The following ZYG11B variants were observed in gnomAD, a reference collection of about 807,000 sequenced individuals.
ZYG11B encodes zyg-11 family member B, cell cycle regulator.
ZYG11B carries 36 observed loss-of-function variants against 82.4 expected under a neutral mutation model. The ratio of observed to expected loss-of-function variants is 0.44; its 90% CI spans 0.33 to 0.58. The LOEUF (loss-of-function observed/expected upper bound fraction) is 0.58, where lower values mean the gene tolerates loss of function less well. ZYG11B is among the 20% of genes least tolerant of loss of function. The probability of loss-of-function intolerance (pLI) is 0.02; values close to 1 mark genes in which losing one functional copy is unlikely to be tolerated. For missense variants in ZYG11B, 552 were observed against 895.6 expected, an observed-to-expected ratio of 0.62 and a Z score of 4.90; for synonymous variants, 303 against 312.8, an observed-to-expected ratio of 0.97 and a Z score of 0.33.
intron 1 of ZYG11B, among the ~76,000 whole-genome samples, chr1:52,728,824 A>C (rs1644305372): frequency 6.6e-6 from 1 of 152,044 alleles, no homozygotes. Flanking sequence ...CCTCATTGTG[A>C]ATGTGAGTAG....
Position 52,803,099 on chromosome 1 carries a change from CAT to C in ZYG11B, c.1695+978_1695+979del, listed in dbSNP as rs1165271089. ...ATATATATATACACATATATATATA[CAT>C]ATATATATATATATATACACACATA... On this transcript the variant is annotated intron_variant, in intron 10 of 13. Coordinates refer to ENST00000294353, the MANE Select transcript of ZYG11B (RefSeq NM_024646.3). 5.1e-3 allele frequency among the ~76,000 whole-genome samples: 55 copies of C among 10,792 alleles called. 6 individuals carry two copies. The highest frequency in any genetic ancestry group is 0.015 in the African/African-American group (48 of 3,284). 7.1% of individuals were successfully genotyped at this position (10,792 alleles called of 152,430 possible).
chr1:52,726,702 C>A lies in ZYG11B; in HGVS notation c.30+19C>A. On this transcript the variant is annotated intron_variant, in intron 1 of 13. Coordinates refer to ENST00000294353, the MANE Select transcript of ZYG11B (RefSeq NM_024646.3). ...AGCCATGGTGAGGGAGCAAGGCCTG[C>A]CCTAGCCGCAGCCGCCCGCCACCCT... The A allele has an allele frequency of 6.8e-7, 1 of 1,471,058 alleles. No homozygotes were observed. The highest frequency in any genetic ancestry group is 1.3e-5 in the South Asian group (1 of 77,562). 91.1% of individuals were successfully genotyped at this position (1,471,058 alleles called of 1,614,324 possible). A position where few individuals can be genotyped will look rare whatever the true frequency, so the allele number is the denominator to read the frequency against.
chr1:52,732,867 C>T (rs996546565), intron 1 of ZYG11B, among the ~76,000 whole-genome samples: 3 of 150,918 alleles, frequency 2.0e-5, no homozygotes, highest in African/African-American at 7.3e-5. Context: ...CCAGCTACTC[C>T]GGAGGCTGAG....
chr1:52,774,164 G>A (rs1644783456), intron 3 of ZYG11B, among the ~76,000 whole-genome samples: 1 of 151,480 alleles, frequency 6.6e-6, no homozygotes, highest in African/African-American at 2.4e-5. Flanking sequence ...CTCAGAGGCA[G>A]GGTCTTGCCC....
At chr1:52,816,678 C>T (rs548829130) in intron 13 of ZYG11B, 49 bp downstream of exon 13, 62 of 1,348,682 alleles carry the variant, frequency 4.6e-5, no homozygotes, top group South Asian at 1.0e-4. Flanking sequence ...AAGTGAAATT[C>T]TCATTTCCCA....
chr1:52,793,835 C>T (rs891011871), intron 6 of ZYG11B, among the ~76,000 whole-genome samples: 1 of 150,428 alleles, frequency 6.6e-6, no homozygotes, highest in Non-Finnish European at 1.5e-5. Context: ...CCTAAGTCCT[C>T]GGACAGGTTT....
At chr1:52,765,256 G>A (rs1264172908) in intron 2 of ZYG11B, among the ~76,000 whole-genome samples, 1 of 151,908 alleles carries the variant, frequency 6.6e-6, no homozygotes, top group African/African-American at 2.4e-5. Flanking sequence ...AGGCTGGAGT[G>A]TAGTGGCATG....
intron 1 of ZYG11B, among the ~76,000 whole-genome samples, chr1:52,746,953 A>G (rs1218128333): frequency 6.7e-6 from 1 of 149,680 alleles, no homozygotes; most frequent in Non-Finnish European, 1.5e-5. Flanking sequence ...CCTTATGGGT[A>G]AGACAAAGGG....
At chr1:52,818,867 C>T (rs1432589760) in intron 13 of ZYG11B, among the ~76,000 whole-genome samples, 3 of 150,518 alleles carry the variant, frequency 2.0e-5, no homozygotes, top group Non-Finnish European at 4.4e-5. Flanking sequence ...GATCTCAGCT[C>T]ACCACAACCT....
Position 52,796,351 on chromosome 1 carries a change from A to G in ZYG11B, c.1394A>G (p.Gln465Arg). ...TGCAACCATGAGGATCAAAACATGC[A>G]AAGGATGGCAGTTGCTATCATTTCT... Reference protein sequence around the residue: ...WLCNHEDQNMQRMAVAIISIL... With the variant: ...WLCNHEDQNMRRMAVAIISIL... Residue 465 changes from glutamine to arginine, a missense_variant, in exon 7 of 14, where the codon CAA (glutamine) becomes CGA (arginine). Gln to Arg is a conservative substitution (Grantham distance 43). Around this residue, in one of 3 missense-constraint regions of ZYG11B, gnomAD observed 66 missense variants for 176.4 expected, o/e 0.37. Transcript: ENST00000294353. The G allele has an allele frequency of 2.5e-6, 4 of 1,614,016 alleles. No homozygotes were observed. Among genetic ancestry groups the G allele is most frequent in the Non-Finnish European group, 3.4e-6 (4 of 1,179,940 alleles).
intron 10 of ZYG11B, chr1:52,805,091 CAAAAAAAA>C: frequency 4.6e-5 from 5 of 108,882 alleles, no homozygotes; most frequent in East Asian, 2.5e-4. Context: ...AACTCTGTCT[CAAAAAAAA>C]AAAAAAAAAA....
rs1034606870 is a variant in ZYG11B, at chr1:52,827,268, G to A, written c.*5639G>A. The A allele has an allele frequency of 6.6e-6, 1 of 152,118 alleles. No homozygotes were observed. 9.4% of individuals were successfully genotyped at this position (152,118 alleles called of 1,614,324 possible). A position where few individuals can be genotyped will look rare whatever the true frequency, so the allele number is the denominator to read the frequency against. ...TATTTTAAATCAGGACATCACTTAA[G>A]TATTAATGTTGTGTGTACAGATTTT... On this transcript the variant is annotated 3_prime_UTR_variant, in exon 14 of 14. Transcript: ENST00000294353.
chr1:52,726,563 C>A lies in ZYG11B; in HGVS notation c.-91C>A, dbSNP rs2149914294. 1 of 1,275,992 alleles carries A rather than the reference C, an allele frequency of 7.8e-7. No individual in the cohort carries two copies. The highest frequency in any genetic ancestry group is 1.0e-6 in the Non-Finnish European group (1 of 998,860). 79.0% of individuals were successfully genotyped at this position (1,275,992 alleles called of 1,614,324 possible). A position where few individuals can be genotyped will look rare whatever the true frequency, so the allele number is the denominator to read the frequency against. Reference sequence around the variant, plus strand: ...AGGCCTGGGCCAAGCCCGGAGCCGCCGCTCGCCGGAGCCTCCTGGAGCCTC... The same window carrying A: ...AGGCCTGGGCCAAGCCCGGAGCCGCAGCTCGCCGGAGCCTCCTGGAGCCTC... On this transcript the variant is annotated 5_prime_UTR_variant, in exon 1 of 14. Coordinates refer to ENST00000294353, the MANE Select transcript of ZYG11B (RefSeq NM_024646.3).
chr1:52,816,651 CTG>C, intron 13 of ZYG11B, 22 bp downstream of exon 13: 3 of 1,536,538 alleles, frequency 2.0e-6, no homozygotes, highest in East Asian at 4.5e-5. Context: ...AAAAAAAGAA[CTG>C]TGTTTTTTTT....
chr1:52,759,144 T>G (rs921658658), intron 2 of ZYG11B, among the ~76,000 whole-genome samples: 14 of 151,946 alleles, frequency 9.2e-5, no homozygotes, highest in African/African-American at 3.4e-4. Flanking sequence ...GTTGGCCAGG[T>G]TGATCTTGAA....
At chr1:52,817,874 G>T (rs1380737617) in intron 13 of ZYG11B, among the ~76,000 whole-genome samples, 2 of 94,622 alleles carry the variant, frequency 2.1e-5, no homozygotes, top group Non-Finnish European at 4.0e-5. Flanking sequence ...GTCTCACTTT[G>T]TCACCCAGGC....
Position 52,783,828 on chromosome 1 carries a change from A to ACACG in ZYG11B, c.1093-1049_1093-1048insCACG, listed in dbSNP as rs1210996802. 6.1e-5 allele frequency among the ~76,000 whole-genome samples: 9 copies of ACACG among 147,474 alleles called. 1 individual carries two copies. Among genetic ancestry groups the ACACG allele is most frequent in the Admixed American group, 2.0e-4 (3 of 14,930 alleles). On this transcript the variant is annotated intron_variant, in intron 4 of 13. Transcript: ENST00000294353. ...TATACACACACACGTATATGTATACATACGTGTGTATATGTACATACACGT... is the reference window on the plus strand; with the variant it reads ...TATACACACACACGTATATGTATACACACGTACGTGTGTATATGTACATACACGT...
At chr1:52,733,620 C>T (rs913660152) in intron 1 of ZYG11B, among the ~76,000 whole-genome samples, 2 of 152,132 alleles carry the variant, frequency 1.3e-5, no homozygotes, top group Non-Finnish European at 2.9e-5. Flanking sequence ...GGGTTCACAC[C>T]ACTGCACTCC....
chr1:52,784,756 G>T, intron 4 of ZYG11B, 121 bp from the exon 5 acceptor site: 1 of 1,078,144 alleles, frequency 9.3e-7, no homozygotes, highest in Non-Finnish European at 1.4e-6. Flanking sequence ...CTTTGCACAT[G>T]AGGATGAAAA....
Sources: gnomAD v4.1 joint callset for allele counts (sites outside exome capture counted in the v4.1 genomes callset) on GRCh38, gnomAD v4.1.1 for gene constraint, gnomAD v4.1.1 regional missense constraint, MANE v1.5 for transcripts, NCBI Gene and HGNC (gene_info 2026-07-23, HGNC 2026-07-21) for gene names.